The following CETP variants were observed in gnomAD, a reference collection of about 807,000 sequenced individuals.
CETP encodes cholesteryl ester transfer protein.
In CETP, 56 loss-of-function variants were observed where a neutral mutation model predicts 66.5. That is an observed-to-expected ratio of 0.84 (90% CI 0.68 to 1.05). CETP has a LOEUF of 1.05. Ranked by LOEUF, CETP falls within the 50% of genes least tolerant of loss-of-function variation. The pLI, the probability that CETP is intolerant of heterozygous loss-of-function variation, is 0.00. For synonymous variants in CETP, 251 were observed against 245.7 expected, an observed-to-expected ratio of 1.02 and a Z score of -0.20; for missense variants, 612 against 609.6, an observed-to-expected ratio of 1.00 and a Z score of -0.04.
chr16:56,977,179 G>A (rs550542774), intron 10 of CETP, among the ~76,000 whole-genome samples: 267 of 152,254 alleles, frequency 1.8e-3, no homozygotes, highest in Admixed American at 3.1e-3. Flanking sequence ...CCAAAGTGCC[G>A]GGATTACAGG....
chr16:56,969,675 C>G lies in CETP; in HGVS notation c.433C>G (p.Gln145Glu). The change falls in exon 4 of 16, where the codon CAG becomes GAG. Residue 145 changes from glutamine to glutamate, a missense_variant. By Grantham distance (29) the Gln-to-Glu change is conservative. Transcript: ENST00000200676. ...TGCCATTGACCTCCAGATCAACACA[C>G]AGCTGAGTATGTGTCAAGCGTCCTC... is the stretch of plus-strand genomic sequence containing the variant. ...DSAIDLQINT[Q>E]LTCDSGRVRT... 1 of 1,614,020 alleles carries G rather than the reference C, an allele frequency of 6.2e-7. No homozygotes were observed. The highest frequency in any genetic ancestry group is 8.5e-7 in the Non-Finnish European group (1 of 1,180,022).
intron 9 of CETP, among the ~76,000 whole-genome samples, chr16:56,974,086 C>T (rs2056132928): frequency 2.0e-5 from 3 of 152,128 alleles, no homozygotes; most frequent in Admixed American, 2.0e-4. Flanking sequence ...GGTCTGGTTC[C>T]TTGGTTTCGG....
chr16:56,969,544 C>T (rs374813012), intron 3 of CETP, 24 bp downstream of exon 3: 67 of 1,614,118 alleles, frequency 4.2e-5, no homozygotes, highest in African/African-American at 5.3e-5. Context: ...TCAGCTGATG[C>T]CCCATGCCCT....
chr16:56,982,108 C>T (rs1230725570), intron 13 of CETP, 57 bp from the exon 14 acceptor site: 1 of 1,512,166 alleles, frequency 6.6e-7, no homozygotes, highest in Non-Finnish European at 9.2e-7. Flanking sequence ...GCAGCATCTG[C>T]CTTGTGGGTC....
intron 10 of CETP, among the ~76,000 whole-genome samples, chr16:56,977,375 G>C (rs560666349): frequency 2.6e-5 from 4 of 152,084 alleles, no homozygotes; most frequent in African/African-American, 9.7e-5. Flanking sequence ...GGCTGCCTGC[G>C]CATTCCTTAT....
Position 56,971,093 on chromosome 16 carries a change from G to A in CETP, c.588G>A (p.Leu196=), listed in dbSNP as rs1251940944. The stretch of plus-strand genomic sequence containing the variant: ...TCTCCTTCACCCTGAAGCTGGTCCT[G>A]AAGGGACAGGTGAGTGAGGCTGGCT... ...NFISFTLKLV[L]KGQICKEINV... The change falls in exon 6 of 16, where the codon CTG becomes CTA. Residue 196 remains leucine, a synonymous_variant. Transcript: ENST00000200676. The A allele has an allele frequency of 2.0e-5, 33 of 1,614,060 alleles. No homozygotes were observed. Among genetic ancestry groups the A allele is most frequent in the Non-Finnish European group, 2.6e-5 (31 of 1,180,006 alleles).
Position 56,963,154 on chromosome 16 carries a change from G to A in CETP, c.233+30G>A, listed in dbSNP as rs1481966194. 12 of 1,580,236 alleles carry A rather than the reference G, an allele frequency of 7.6e-6. No homozygotes were observed. The Admixed American group carries it at 1.8e-4, about 24-fold the overall frequency. On this transcript the variant is annotated intron_variant, in intron 2 of 15. Coordinates refer to ENST00000200676, the MANE Select transcript of CETP (RefSeq NM_000078.3). ...GTCGGGCCTCGGGTGTGACCAGGCT[G>A]GGGGTAGGGAGGCGGGAGGAACAGC... is the stretch of plus-strand genomic sequence containing the variant.
intron 11 of CETP, among the ~76,000 whole-genome samples, chr16:56,980,363 G>A (rs2056179140): frequency 6.6e-6 from 1 of 152,072 alleles, no homozygotes; most frequent in African/African-American, 2.4e-5. Context: ...GTAGAGACAG[G>A]GTTTTGCCAC....
rs145328828 is a variant in CETP at position 56,983,370 on chromosome 16, A to G, written c.1366A>G (p.Ser456Gly). Reference protein sequence around the residue: ...FTALMNSKGVSLFDIINPEII... With the variant: ...FTALMNSKGVGLFDIINPEII... ...AGCCCTCATGAACAGCAAAGGCGTG[A>G]GCCTCTTCGACATCATCAACCCTGA... Residue 456 changes from serine to glycine, a missense_variant, in exon 15 of 16, where the codon AGC becomes GGC. By Grantham distance (56) the Ser-to-Gly change is moderately conservative. Transcript: ENST00000200676. 77 of 1,614,246 alleles carry G rather than the reference A, an allele frequency of 4.8e-5. No homozygotes were observed. The African/African-American group carries it at 8.7e-4, about 18-fold the overall frequency.
In CETP at chr16:56,969,422, G is replaced by C. The variant is rs2056091674; in HGVS notation, c.270G>C (p.Gln90His). 6.2e-7 allele frequency: 1 copy of C among 1,614,200 alleles called. No homozygotes were observed. The highest frequency in any genetic ancestry group is 1.3e-5 in the African/African-American group (1 of 75,044). Residue 90 changes from glutamine (Q) to histidine (H), a missense_variant, in exon 3 of 16, where the codon CAG (glutamine) becomes CAC (histidine). By Grantham distance (24) the Gln-to-His change is conservative. Coordinates refer to ENST00000200676, the MANE Select transcript of CETP (RefSeq NM_000078.3). Reference sequence around the variant, plus strand: ...GCCACTTGTCCATCGCCAGCAGCCAGGTGGAGCTGGTGGAAGCCAAGTCCA... The same window carrying C: ...GCCACTTGTCCATCGCCAGCAGCCACGTGGAGCTGGTGGAAGCCAAGTCCA... The part of the protein sequence containing the change: ...QISHLSIASS[Q>H]VELVEAKSID...
At chr16:56,970,790 G>A (rs2056103971) in intron 5 of CETP, among the ~76,000 whole-genome samples, 2 of 152,358 alleles carry the variant, frequency 1.3e-5, no homozygotes, top group Non-Finnish European at 2.9e-5. Flanking sequence ...ACGTTCTCGT[G>A]TGTGTGACAG....
intron 2 of CETP, among the ~76,000 whole-genome samples, chr16:56,967,627 C>T (rs1408907220): frequency 3.3e-5 from 5 of 149,900 alleles, no homozygotes; most frequent in Non-Finnish European, 5.9e-5. Flanking sequence ...TGCACTCCAG[C>T]CTGAGCAACA....
At chr16:56,962,382 G>C in intron 1 of CETP, 2 of 662,386 alleles carry the variant, frequency 3.0e-6, no homozygotes, top group East Asian at 6.3e-5. Context: ...GTTCGAGTTA[G>C]GGTTCAGATC....
In CETP at chr16:56,978,096, C is replaced by T. The variant is rs1413695952; in HGVS notation, c.987C>T (p.Val329=). ...GGGACCCCTGTCTTCCACAGGTTGT[C>T]GGCGGCTTCCCCAGCCAGGCCCAAG... ...NTNQEIFQEV[V]GGFPSQAQVT... Residue 329 remains valine (V), a synonymous_variant, in exon 11 of 16, where the codon GTC becomes GTT. Coordinates refer to ENST00000200676, the MANE Select transcript of CETP (RefSeq NM_000078.3). 8.1e-6 allele frequency: 13 copies of T among 1,613,980 alleles called. 1 individual carries two copies. The highest frequency in any genetic ancestry group is 5.3e-5 in the African/African-American group (4 of 74,930).
intron 2 of CETP, among the ~76,000 whole-genome samples, chr16:56,966,954 T>G (rs1213337042): frequency 6.6e-6 from 1 of 151,896 alleles, no homozygotes; most frequent in Non-Finnish European, 1.5e-5. Context: ...TCTCAGGTAG[T>G]GTTTATTGTA....
rs150550739 is a variant in CETP, at chr16:56,972,036, A to T, written c.703A>T (p.Thr235Ser). ...DGDIGVDISLTGDPVITASYL... is the reference protein window; with the variant it reads ...DGDIGVDISLSGDPVITASYL... ...AGACATTGGGGTGGACATTTCCCTG[A>T]CAGGTGATCCCGTCATCACAGCCTC... is the stretch of plus-strand genomic sequence containing the variant. Residue 235 changes from threonine (T) to serine (S), a missense_variant, in exon 8 of 16, where the codon ACA becomes TCA. Coordinates refer to ENST00000200676, the MANE Select transcript of CETP (RefSeq NM_000078.3). The T allele has an allele frequency of 2.5e-6, 4 of 1,614,000 alleles. No individual in the cohort carries two copies. The highest frequency in any genetic ancestry group is 3.4e-6 in the Non-Finnish European group (4 of 1,180,018).
chr16:56,978,829 CTTAT>C (rs2056168628), intron 11 of CETP, among the ~76,000 whole-genome samples: 1 of 151,248 alleles, frequency 6.6e-6, no homozygotes, highest in African/African-American at 2.4e-5. Context: ...TATTTATTTA[CTTAT>C]TTATTTTTTT....
At chr16:56,970,594 G>A (rs2056102580) in intron 5 of CETP, among the ~76,000 whole-genome samples, 3 of 152,224 alleles carry the variant, frequency 2.0e-5, no homozygotes, top group Admixed American at 2.0e-4. Flanking sequence ...CTCTGTCAAG[G>A]AGCTGTGGGT....
intron 12 of CETP, 87 bp downstream of exon 12, chr16:56,981,312 T>TG: frequency 9.4e-7 from 1 of 1,067,820 alleles, no homozygotes; most frequent in Non-Finnish European, 1.5e-6. Flanking sequence ...GGGGTGTTGG[T>TG]GGGGAAATGT....
Sources: allele counts gnomAD v4.1 joint callset (sites outside exome capture counted in the v4.1 genomes callset), GRCh38; gene constraint gnomAD v4.1.1; transcripts MANE v1.5; gene names NCBI Gene and HGNC (gene_info 2026-07-23, HGNC 2026-07-21).